The following PTPRD variants were observed in gnomAD, a reference collection of about 807,000 sequenced individuals.
The protein encoded by PTPRD is protein tyrosine phosphatase receptor type D.
In PTPRD, 34 loss-of-function variants were observed where a neutral mutation model predicts 214.5. That is an observed-to-expected ratio of 0.16 (90% CI 0.12 to 0.21). The LOEUF is 0.21. Ranked by LOEUF, PTPRD falls within the 10% of genes least tolerant of loss-of-function variation. The pLI is 1.00. For synonymous variants in PTPRD, 1,128 were observed against 845.7 expected (o/e 1.33, Z -5.79); for missense variants, 2,545 against 2,398.7 (o/e 1.06, Z -1.27).
chr9:10,136,377 T>C (rs2154262921), intron 3 of PTPRD, among the ~76,000 whole-genome samples: 1 of 152,134 alleles, frequency 6.6e-6, no homozygotes, highest in South Asian at 2.1e-4. Context: ...ACTTGACGAA[T>C]TGTTCCTAAT....
chr9:8,512,609 T>C (rs896730367), intron 21 of PTPRD, among the ~76,000 whole-genome samples: 1 of 152,022 alleles, frequency 6.6e-6, no homozygotes, highest in Non-Finnish European at 1.5e-5. Flanking sequence ...TGTAATAGCA[T>C]TAACATCCCT....
At chr9:9,205,701 A>G (rs997302913) in intron 9 of PTPRD, among the ~76,000 whole-genome samples, 1 of 152,124 alleles carries the variant, frequency 6.6e-6, no homozygotes, top group African/African-American at 2.4e-5. Flanking sequence ...TGTAATTGCC[A>G]AGTCAATACA....
intron 10 of PTPRD, among the ~76,000 whole-genome samples, chr9:9,042,415 G>A (rs1186911281): frequency 6.6e-6 from 1 of 152,130 alleles, no homozygotes; most frequent in Non-Finnish European, 1.5e-5. Flanking sequence ...AGAACAGTTA[G>A]ACTGGCAGGT....
chr9:8,545,242 T>A (rs1461001942), intron 14 of PTPRD, among the ~76,000 whole-genome samples: 1 of 152,208 alleles, frequency 6.6e-6, no homozygotes, highest in East Asian at 1.9e-4. Flanking sequence ...TTTTCATACT[T>A]ATATTTTGTC....
intron 6 of PTPRD, among the ~76,000 whole-genome samples, chr9:9,757,220 T>G (rs2761710): frequency 0.16 from 24,471 of 152,118 alleles, 2,985 homozygotes; most frequent in East Asian, 0.39. Flanking sequence ...TTTTATCTTT[T>G]ATTCTCTGCT....
At chr9:10,124,462 T>A (rs2098800251) in intron 3 of PTPRD, among the ~76,000 whole-genome samples, 3 of 152,144 alleles carry the variant, frequency 2.0e-5, no homozygotes. Context: ...TCACCTCAGT[T>A]TGGCCACATG....
chr9:8,779,715 G>A (rs1427761132), intron 11 of PTPRD, among the ~76,000 whole-genome samples: 1 of 151,736 alleles, frequency 6.6e-6, no homozygotes, highest in African/African-American at 2.4e-5. Flanking sequence ...TCAGGCTGGC[G>A]TTCCACAAAC....
rs149010893 is a variant in PTPRD, at chr9:10,315,513, T to C, written c.-545+25450A>G. Among the ~76,000 whole-genome samples the C allele has an allele frequency of 8.1e-4, 123 of 152,104 alleles. 1 individual carries two copies. The highest frequency in any genetic ancestry group is 2.8e-3 in the Admixed American group (43 of 15,240). ...TTGGGGGTTACTTTTAAATTTATTA[T>C]ATGCAATATGACAGTAACTCAAAAC... On this transcript the variant is annotated intron_variant, in intron 3 of 45. Transcript: ENST00000381196.
chr9:9,482,862 T>C lies in PTPRD; in HGVS notation c.-236-85380A>G, dbSNP rs77581283. Reference sequence around the variant, plus strand: ...GCAATATCACAATTATGCAAATAAGTAATTGCTAAAGTTCTAGTTTGCAAG... The same window carrying C: ...GCAATATCACAATTATGCAAATAAGCAATTGCTAAAGTTCTAGTTTGCAAG... On this transcript the variant is annotated intron_variant, in intron 8 of 45. Transcript: ENST00000381196. 2.6e-3 allele frequency among the ~76,000 whole-genome samples: 400 copies of C among 152,296 alleles called. 1 individual carries two copies. Among genetic ancestry groups the C allele is most frequent in the African/African-American group, 8.5e-3 (352 of 41,574 alleles).
At chr9:10,012,370 A>G (rs2096619481) in intron 4 of PTPRD, among the ~76,000 whole-genome samples, 1 of 151,970 alleles carries the variant, frequency 6.6e-6, no homozygotes, top group Non-Finnish European at 1.5e-5. Context: ...TGGAAAAAAA[A>G]ATCGTGTTTT....
chr9:9,723,499 G>T (rs563809807), intron 7 of PTPRD, among the ~76,000 whole-genome samples: 12 of 151,896 alleles, frequency 7.9e-5, no homozygotes, highest in African/African-American at 2.7e-4. Context: ...TAAAGATTTG[G>T]CTATTCTGGG....
Position 10,561,948 on chromosome 9 carries a change from C to T in PTPRD, c.-600+50450G>A, listed in dbSNP as rs1270347079. ...AGAGGTCAATTAATGCCACAGAATG[C>T]CTTTAATTGTATTACTGCTCTTATT... On this transcript the variant is annotated intron_variant, in intron 2 of 45. Transcript: ENST00000381196. 2.6e-5 allele frequency among the ~76,000 whole-genome samples: 4 copies of T among 152,016 alleles called. 1 individual carries two copies. The highest frequency in any genetic ancestry group is 2.6e-4 in the Admixed American group (4 of 15,252).
intron 12 of PTPRD, among the ~76,000 whole-genome samples, chr9:8,654,375 G>C (rs938683244): frequency 6.6e-6 from 1 of 152,154 alleles, no homozygotes. Context: ...ATGATATGTA[G>C]TGGGTACTCC....
chr9:8,573,854 A>T (rs1379627405), intron 14 of PTPRD, among the ~76,000 whole-genome samples: 2 of 151,936 alleles, frequency 1.3e-5, no homozygotes. Flanking sequence ...TAATATTTAC[A>T]ATTTGTTTAT....
At chr9:8,435,527 C>G (rs996499236) in intron 35 of PTPRD, among the ~76,000 whole-genome samples, 1 of 152,110 alleles carries the variant, frequency 6.6e-6, no homozygotes, top group East Asian at 1.9e-4. Flanking sequence ...GGTATATCTA[C>G]AAGATTTTAG....
At chr9:10,605,324 T>A (rs2079014563) in intron 2 of PTPRD, among the ~76,000 whole-genome samples, 1 of 151,856 alleles carries the variant, frequency 6.6e-6, no homozygotes, top group Non-Finnish European at 1.5e-5. Flanking sequence ...ATTCTATGAA[T>A]TTGGAAATAT....
intron 5 of PTPRD, among the ~76,000 whole-genome samples, chr9:9,813,250 A>T (rs1292235758): frequency 6.6e-6 from 1 of 152,076 alleles, no homozygotes; most frequent in Non-Finnish European, 1.5e-5. Flanking sequence ...CTAGAAAAAG[A>T]ACAAACTAAA....
chr9:9,862,365 C>A (rs552799865), intron 5 of PTPRD, among the ~76,000 whole-genome samples: 35 of 152,216 alleles, frequency 2.3e-4, no homozygotes, highest in African/African-American at 8.4e-4. Flanking sequence ...TATGCAGACA[C>A]AGGAACTAAC....
rs1258926116 is a variant in PTPRD at position 8,329,938 on chromosome 9, ATCTTGCTGGGCTCTGTGGGAGTGGATCG to A, written c.5534+1616_5534+1643del. ...TGAGATTTTCAAGCCAGTGGATCGT[ATCTTGCTGGGCTCTGTGGGAGTGGATCG>A]TATCTTGCTGGGCTCTGTGGGGGTG... On this transcript the variant is annotated intron_variant, in intron 44 of 45. Coordinates refer to ENST00000381196, the MANE Select transcript of PTPRD (RefSeq NM_002839.4). 5.7e-3 allele frequency among the ~76,000 whole-genome samples: 315 copies of A among 55,616 alleles called. 1 individual carries two copies. In the African/African-American group the frequency reaches 0.13, roughly 22 times the overall value. 36.5% of individuals were successfully genotyped at this position (55,616 alleles called of 152,430 possible). A position where few individuals can be genotyped will look rare whatever the true frequency, so the allele number is the denominator to read the frequency against.
Sources: allele counts gnomAD v4.1 joint callset (sites outside exome capture counted in the v4.1 genomes callset), GRCh38; gene constraint gnomAD v4.1.1; transcripts MANE v1.5; gene names NCBI Gene and HGNC (gene_info 2026-07-23, HGNC 2026-07-21).